MCEE: variants seen among roughly 807,000 people sequenced by gnomAD.
MCEE encodes methylmalonyl-CoA epimerase, mitochondrial.
MCEE carries 6 observed loss-of-function variants against 12.9 expected under a neutral mutation model. That is an observed-to-expected ratio of 0.47 (90% CI 0.26 to 0.92). The LOEUF (loss-of-function observed/expected upper bound fraction) is 0.92. Ranked by LOEUF, MCEE falls within the 40% of genes least tolerant of loss-of-function variation. MCEE has a pLI of 0.16. For missense variants in MCEE, 214 were observed against 212.1 expected, an observed-to-expected ratio of 1.01 and a Z score of -0.05; for synonymous variants, 78 against 77.9, an observed-to-expected ratio of 1.00 and a Z score of -0.01.
At chr2:71,129,409 C>G (rs1429470124) in intron 1 of MCEE, among the ~76,000 whole-genome samples, 1 of 151,576 alleles carries the variant, frequency 6.6e-6, no homozygotes, top group Non-Finnish European at 1.5e-5. Flanking sequence ...CCCGGAGTAA[C>G]TCTGGGGCAT....
At chr2:71,114,819 C>T (rs188162854) in intron 2 of MCEE, among the ~76,000 whole-genome samples, 9 of 152,168 alleles carry the variant, frequency 5.9e-5, no homozygotes, top group South Asian at 2.1e-4. Flanking sequence ...AAAAAGATGA[C>T]GTGTAGCAAG....
intron 2 of MCEE, among the ~76,000 whole-genome samples, chr2:71,113,117 A>C (rs563274410): frequency 6.6e-6 from 1 of 152,208 alleles, no homozygotes; most frequent in African/African-American, 2.4e-5. Flanking sequence ...AACGAAGTAG[A>C]TGGATGGCTG....
At chr2:71,123,633 G>C (rs1314114384) in intron 2 of MCEE, among the ~76,000 whole-genome samples, 1 of 152,142 alleles carries the variant, frequency 6.6e-6, no homozygotes, top group Non-Finnish European at 1.5e-5. Context: ...ATCTGAACAT[G>C]AACATCTATA....
At chr2:71,128,164 T>TG (rs1673279248) in intron 1 of MCEE, among the ~76,000 whole-genome samples, 1 of 152,226 alleles carries the variant, frequency 6.6e-6, no homozygotes, top group Non-Finnish European at 1.5e-5. Context: ...AGACGATTAA[T>TG]GAAAGTAAAC....
chr2:71,120,337 C>A (rs1049752072), intron 2 of MCEE, among the ~76,000 whole-genome samples: 1 of 150,008 alleles, frequency 6.7e-6, no homozygotes, highest in Non-Finnish European at 1.5e-5. Flanking sequence ...GGGAAGGTGA[C>A]CCCCCTCTTG....
intron 2 of MCEE, among the ~76,000 whole-genome samples, chr2:71,114,350 T>A (rs1672949803): frequency 6.7e-6 from 1 of 150,134 alleles, no homozygotes. Context: ...AAAATAAAAT[T>A]AAAAAAAAAA....
chr2:71,111,782 C>T (rs899971458), intron 2 of MCEE, among the ~76,000 whole-genome samples: 5 of 152,312 alleles, frequency 3.3e-5, no homozygotes, highest in African/African-American at 9.6e-5. Flanking sequence ...CGTGGATTCC[C>T]CCTTCCTGCA....
At chr2:71,114,395 T>C (rs1672951470) in intron 2 of MCEE, among the ~76,000 whole-genome samples, 3 of 151,960 alleles carry the variant, frequency 2.0e-5, no homozygotes, top group African/African-American at 7.2e-5. Flanking sequence ...GATCCTGGAA[T>C]AGAAAAGGGA....
At position 71,109,870 on chromosome 2, in the gene MCEE, T is replaced by C. The variant is rs1672849672; in HGVS notation, c.*100A>G. On this transcript the variant is annotated 3_prime_UTR_variant, in exon 3 of 3. Coordinates refer to ENST00000244217, the MANE Select transcript of MCEE (RefSeq NM_032601.4). ...AATTCAGTCTTTAACTGTGAACTTT[T>C]ACATGATGGAAGCAGTGAAGGACTC... 3 of 1,141,910 alleles carry C rather than the reference T, an allele frequency of 2.6e-6. No homozygotes were observed. The highest frequency in any genetic ancestry group is 3.9e-6 in the Non-Finnish European group (3 of 773,474). The allele number at this position is 1,141,910 out of a possible 1,614,324, so 70.7% of individuals were successfully genotyped here.
At chr2:71,123,670 G>C (rs917878042) in intron 2 of MCEE, among the ~76,000 whole-genome samples, 5 of 152,112 alleles carry the variant, frequency 3.3e-5, no homozygotes, top group Non-Finnish European at 7.3e-5. Context: ...GACTTTTCTT[G>C]TCTAACATTT....
chr2:71,125,213 T>TATA (rs1472965941), intron 1 of MCEE, among the ~76,000 whole-genome samples: 6 of 40,352 alleles, frequency 1.5e-4, no homozygotes, highest in East Asian at 1.2e-3. Flanking sequence ...ATATATATAT[T>TATA]TTTTTTTTTT....
chr2:71,113,680 T>C (rs991819388), intron 2 of MCEE, among the ~76,000 whole-genome samples: 3 of 152,168 alleles, frequency 2.0e-5, no homozygotes, highest in African/African-American at 4.8e-5. Flanking sequence ...AAAGTAGTAT[T>C]AGATTGTAAT....
chr2:71,120,936 C>G (rs913298132), intron 2 of MCEE, among the ~76,000 whole-genome samples: 1 of 152,070 alleles, frequency 6.6e-6, no homozygotes, highest in Non-Finnish European at 1.5e-5. Context: ...GGGGTTTCAC[C>G]GTGTTGCCCA....
chr2:71,126,466 T>C (rs372735353), intron 1 of MCEE, among the ~76,000 whole-genome samples: 1 of 147,960 alleles, frequency 6.8e-6, no homozygotes, highest in African/African-American at 2.5e-5. Context: ...GACCTCGTGA[T>C]CCGCCCACCT....
chr2:71,123,492 CAAAAA>C (rs58746349), intron 2 of MCEE, among the ~76,000 whole-genome samples: 2 of 104,024 alleles, frequency 1.9e-5, no homozygotes, highest in African/African-American at 3.3e-5. Flanking sequence ...GACTCCGTCT[CAAAAA>C]AAAAAAAAAA....
At chr2:71,111,605 C>A (rs144280853) in intron 2 of MCEE, among the ~76,000 whole-genome samples, 1 of 152,130 alleles carries the variant, frequency 6.6e-6, no homozygotes, top group Non-Finnish European at 1.5e-5. Context: ...TCCTAACATG[C>A]GTGCAATACT....
At chr2:71,129,941 C>T (rs1487842566) in intron 1 of MCEE, 3 of 612,140 alleles carry the variant, frequency 4.9e-6, no homozygotes, top group African/African-American at 1.8e-5. Flanking sequence ...AGGTGCAGAG[C>T]CCAAGGCGCA....
chr2:71,124,569 T>G (rs771945794), intron 1 of MCEE, 26 bp from the exon 2 acceptor site: 24 of 1,570,150 alleles, frequency 1.5e-5, no homozygotes, highest in Non-Finnish European at 2.0e-5. Flanking sequence ...GCCATTGATA[T>G]CCTTCTTTTG....
intron 2 of MCEE, among the ~76,000 whole-genome samples, chr2:71,123,910 A>G (rs1673155069): frequency 1.3e-5 from 2 of 152,194 alleles, no homozygotes; most frequent in Admixed American, 1.3e-4. Context: ...GTTACATGGG[A>G]GGTCAAACAT....
Sources: gnomAD v4.1 joint callset for allele counts (sites outside exome capture counted in the v4.1 genomes callset) on GRCh38, gnomAD v4.1.1 for gene constraint, MANE v1.5 for transcripts, NCBI Gene and HGNC (gene_info 2026-07-23, HGNC 2026-07-21) for gene names.